The following KCNJ10 variants were observed in gnomAD, a reference collection of about 807,000 sequenced individuals.
KCNJ10 encodes ATP-sensitive inward rectifier potassium channel 10.
KCNJ10 carries 9 observed loss-of-function variants against 22.2 expected under a neutral mutation model. The observed-to-expected ratio is 0.40, with a 90% CI of 0.24 to 0.71. The LOEUF (loss-of-function observed/expected upper bound fraction) is 0.71. Ranked by LOEUF, KCNJ10 falls within the 30% of genes least tolerant of loss-of-function variation. KCNJ10 has a pLI of 0.35. For synonymous variants in KCNJ10, 184 were observed against 187.3 expected (o/e 0.98, Z 0.15); for missense variants, 337 against 482.7 (o/e 0.70, Z 2.83).
At position 160,041,697 on chromosome 1, in the gene KCNJ10, A is replaced by AG; in HGVS notation, c.835dup (p.Leu279ProfsTer44). The AG allele has an allele frequency of 6.2e-7, 1 of 1,614,210 alleles. No homozygotes were observed. The highest frequency in any genetic ancestry group is 8.5e-7 in the Non-Finnish European group (1 of 1,180,032). On this transcript the variant is annotated frameshift_variant, in exon 2 of 2. Transcript: ENST00000644903. LOFTEE classifies it high-confidence loss of function. This position sits in a 1 kb window ranked among gnomAD's most constrained non-coding sequence, Gnocchi z 4.4. ...CACTGTCCCACTTAGGATCAGCACCAGCTCAAAGTCACCCTCACCACTGCG... is the reference window on the plus strand; with the variant it reads ...CACTGTCCCACTTAGGATCAGCACCAGGCTCAAAGTCACCCTCACCACTGCG...
chr1:160,065,462 G>C (rs1649302971), intron 1 of KCNJ10, among the ~76,000 whole-genome samples: 1 of 152,164 alleles, frequency 6.6e-6, no homozygotes, highest in Admixed American at 6.5e-5. Flanking sequence ...CGGCTAATGA[G>C]GGAGACAAGT....
At chr1:160,066,999 T>C (rs866095299) in intron 1 of KCNJ10, among the ~76,000 whole-genome samples, 14 of 152,200 alleles carry the variant, frequency 9.2e-5, no homozygotes, top group Non-Finnish European at 1.9e-4. Context: ...TTTCCCCAGG[T>C]GTTGTGCCAT....
At chr1:160,049,775 T>G (rs1424178295) in intron 1 of KCNJ10, among the ~76,000 whole-genome samples, 1 of 142,242 alleles carries the variant, frequency 7.0e-6, no homozygotes, top group Non-Finnish European at 1.5e-5. Context: ...CAAGAAGTAT[T>G]TTATGATTGA....
intron 1 of KCNJ10, among the ~76,000 whole-genome samples, chr1:160,043,563 G>A (rs2820553): frequency 0.86 from 131,000 of 152,188 alleles, 56,653 homozygotes; most frequent in East Asian, 0.96. Flanking sequence ...TTGAACAAAA[G>A]GAAATAAGCA....
rs182556237 is a variant in KCNJ10 at position 160,058,583 on chromosome 1, C to T, written c.-1+11439G>A. On this transcript the variant is annotated intron_variant, in intron 1 of 1. Coordinates refer to ENST00000644903, the MANE Select transcript of KCNJ10 (RefSeq NM_002241.5). ...GGGGAGCCCAATGCTTCCTTGTGCT[C>T]GTGTGACCAAGGACAAGAGAAATTA... is the stretch of plus-strand genomic sequence containing the variant. Among the ~76,000 whole-genome samples the T allele has an allele frequency of 5.3e-5, 8 of 152,180 alleles. No homozygotes were observed. The South Asian group carries it at 6.2e-4, about 12-fold the overall frequency.
At chr1:160,046,609 G>A (rs1441026837) in intron 1 of KCNJ10, among the ~76,000 whole-genome samples, 1 of 152,046 alleles carries the variant, frequency 6.6e-6, no homozygotes, top group Non-Finnish European at 1.5e-5. Context: ...CAGCTGTAGT[G>A]CCTGTGGTTG....
At chr1:160,063,068 C>A (rs148006604) in intron 1 of KCNJ10, among the ~76,000 whole-genome samples, 249 of 152,318 alleles carry the variant, frequency 1.6e-3, no homozygotes, top group South Asian at 0.011. Flanking sequence ...ACTAGCTCTT[C>A]CCAGTATATG....
At chr1:160,061,173 G>C (rs960116031) in intron 1 of KCNJ10, among the ~76,000 whole-genome samples, 1 of 152,070 alleles carries the variant, frequency 6.6e-6, no homozygotes, top group Non-Finnish European at 1.5e-5. Context: ...GTTGGGGGTG[G>C]GGTCATCTGA....
At chr1:160,044,859 T>A (rs1227351611) in intron 1 of KCNJ10, 1 of 151,900 alleles carries the variant, frequency 6.6e-6, no homozygotes, top group Non-Finnish European at 1.5e-5. Flanking sequence ...CAAAAATTTT[T>A]AAAAATTAGC....
intron 1 of KCNJ10, among the ~76,000 whole-genome samples, chr1:160,053,293 C>T (rs902939912): frequency 2.6e-5 from 4 of 152,160 alleles, no homozygotes; most frequent in East Asian, 3.9e-4. Flanking sequence ...ACTTGAATAG[C>T]GACCTTAGAG....
chr1:160,053,547 A>C (rs1648953561), intron 1 of KCNJ10, among the ~76,000 whole-genome samples: 1 of 152,096 alleles, frequency 6.6e-6, no homozygotes, highest in Non-Finnish European at 1.5e-5. Context: ...CCCCAAGGAA[A>C]ATAAACAAAT....
chr1:160,052,552 C>T (rs1648929067), intron 1 of KCNJ10, among the ~76,000 whole-genome samples: 1 of 152,214 alleles, frequency 6.6e-6, no homozygotes, highest in Admixed American at 6.5e-5. Context: ...CACACCCACA[C>T]TTATCTTAGA....
chr1:160,061,594 G>C (rs1043212434), intron 1 of KCNJ10, among the ~76,000 whole-genome samples: 2 of 151,904 alleles, frequency 1.3e-5, no homozygotes, highest in African/African-American at 2.4e-5. Context: ...GTGCAGTCTG[G>C]GGCAGCGGGA....
chr1:160,045,840 C>G (rs370308379), intron 1 of KCNJ10, among the ~76,000 whole-genome samples: 4 of 152,218 alleles, frequency 2.6e-5, no homozygotes, highest in Non-Finnish European at 5.9e-5. Context: ...AGGACTATCA[C>G]GTGATCAAAG....
chr1:160,044,900 G>C (rs1648703420), intron 1 of KCNJ10: 1 of 152,020 alleles, frequency 6.6e-6, no homozygotes, highest in African/African-American at 2.4e-5. Context: ...TGTACTCCCA[G>C]CTACTTGGAG....
chr1:160,056,167 G>A (rs1156269508), intron 1 of KCNJ10, among the ~76,000 whole-genome samples: 2 of 152,052 alleles, frequency 1.3e-5, no homozygotes, highest in Non-Finnish European at 1.5e-5. Flanking sequence ...CACTTGAAGT[G>A]TTGCAATGGT....
At chr1:160,047,774 C>T (rs1469183100) in intron 1 of KCNJ10, among the ~76,000 whole-genome samples, 1 of 152,116 alleles carries the variant, frequency 6.6e-6, no homozygotes, top group Non-Finnish European at 1.5e-5. Flanking sequence ...ACTCTGTTAC[C>T]CAGGCTGAAG....
rs1557967807 is a variant in KCNJ10, at chr1:160,041,864, G to A, written c.669C>T (p.Thr223=). The A allele has an allele frequency of 6.2e-7, 1 of 1,614,220 alleles. No individual in the cohort carries two copies. The highest frequency in any genetic ancestry group is 1.1e-5 in the South Asian group (1 of 91,082). Residue 223 remains threonine, a synonymous_variant, in exon 2 of 2, where the codon ACC becomes ACT. Transcript: ENST00000644903. This position sits in a 1 kb window ranked among gnomAD's most constrained non-coding sequence, Gnocchi z 4.4. ...TGAGCCGGATGTTCTCCCCTTCCTT[G>A]GTTTGGTGGGTCTGAAGCAGTTTTC... ...VTGKLLQTHQ[T]KEGENIRLNQ...
rs1041704356 is a variant in KCNJ10, at chr1:160,061,669, C to A, written c.-1+8353G>T. On this transcript the variant is annotated intron_variant, in intron 1 of 1. Coordinates refer to ENST00000644903, the MANE Select transcript of KCNJ10 (RefSeq NM_002241.5). Reference sequence around the variant, plus strand: ...AGTGCAAACTTGTTATAACCAGTGTCAGAGCAGCAGAGGGCAGCAAGGGCA... The same window carrying A: ...AGTGCAAACTTGTTATAACCAGTGTAAGAGCAGCAGAGGGCAGCAAGGGCA... Among the ~76,000 whole-genome samples, 7 of 149,884 alleles carry A rather than the reference C, an allele frequency of 4.7e-5. No homozygotes were observed. The Admixed American group carries it at 4.7e-4, about 10-fold the overall frequency.
Sources: gnomAD v4.1 joint callset for allele counts (sites outside exome capture counted in the v4.1 genomes callset) on GRCh38, gnomAD v4.1.1 for gene constraint, Gnocchi (gnomAD v3.1) non-coding constraint, MANE v1.5 for transcripts, NCBI Gene and HGNC (gene_info 2026-07-23, HGNC 2026-07-21) for gene names.